MAML3: variants seen among roughly 807,000 people sequenced by gnomAD.
MAML3 encodes mastermind-like protein 3.
MAML3 carries 27 observed loss-of-function variants against 101.9 expected under a neutral mutation model. The observed-to-expected ratio is 0.27, with a 90% CI of 0.20 to 0.37. MAML3 has a LOEUF of 0.37. MAML3 is among the 10% of genes least tolerant of loss of function. The probability of loss-of-function intolerance (pLI) is 1.00; values close to 1 mark genes in which losing one functional copy is unlikely to be tolerated. For synonymous variants in MAML3, 501 were observed against 555.9 expected (o/e 0.90, Z 1.39); for missense variants, 1,316 against 1,444.9 (o/e 0.91, Z 1.45).
chr4:139,914,027 C>A (rs538706878), intron 1 of MAML3, among the ~76,000 whole-genome samples: 12 of 152,142 alleles, frequency 7.9e-5, no homozygotes, highest in African/African-American at 2.7e-4. Context: ...AGAAAGTATC[C>A]AGTAACAAAT....
intron 1 of MAML3, among the ~76,000 whole-genome samples, chr4:139,958,893 A>T (rs1733959754): frequency 6.6e-6 from 1 of 152,176 alleles, no homozygotes; most frequent in South Asian, 2.1e-4. Flanking sequence ...TTGCATTGTT[A>T]TTCTTGCAAT....
At chr4:140,113,494 T>C (rs1560897730) in intron 1 of MAML3, among the ~76,000 whole-genome samples, 1 of 152,132 alleles carries the variant, frequency 6.6e-6, no homozygotes, top group African/African-American at 2.4e-5. Flanking sequence ...TGTAGTAGAC[T>C]ATTTCTTCAA....
At chr4:139,860,047 C>A (rs1279542129) in intron 2 of MAML3, among the ~76,000 whole-genome samples, 1 of 152,182 alleles carries the variant, frequency 6.6e-6, no homozygotes, top group Non-Finnish European at 1.5e-5. Flanking sequence ...CTCAGCGAGA[C>A]GTGCTGCCGT....
At chr4:139,909,894 CAT>C (rs1254137244) in intron 1 of MAML3, among the ~76,000 whole-genome samples, 2 of 142,078 alleles carry the variant, frequency 1.4e-5, no homozygotes, top group African/African-American at 2.6e-5. Flanking sequence ...CAGCCATACA[CAT>C]GAGTCTGCCT....
At chr4:139,990,661 C>T (rs1453022320) in intron 1 of MAML3, among the ~76,000 whole-genome samples, 1 of 151,834 alleles carries the variant, frequency 6.6e-6, no homozygotes, top group Admixed American at 6.6e-5. Flanking sequence ...CCCATCGTCT[C>T]AGCCCAAAAT....
intron 1 of MAML3, among the ~76,000 whole-genome samples, chr4:140,111,890 C>A (rs1027137546): frequency 6.6e-6 from 1 of 152,204 alleles, no homozygotes; most frequent in Non-Finnish European, 1.5e-5. Context: ...TGGCCCCAAC[C>A]CTCACCCTTG....
At chr4:139,876,387 C>A (rs1225072901) in intron 2 of MAML3, among the ~76,000 whole-genome samples, 1 of 152,186 alleles carries the variant, frequency 6.6e-6, no homozygotes, top group Non-Finnish European at 1.5e-5. Flanking sequence ...GAGAGGGATG[C>A]AAGGGGCAAG....
chr4:139,889,218 C>T, intron 2 of MAML3, 139 bp downstream of exon 2: 1 of 1,507,048 alleles, frequency 6.6e-7, no homozygotes, highest in Non-Finnish European at 9.1e-7. Flanking sequence ...CCAAACCTGG[C>T]CACTACCTGA....
At chr4:139,725,958 CAT>C (rs1728457219) in intron 3 of MAML3, 123 bp from the exon 4 acceptor site, 2 of 748,474 alleles carry the variant, frequency 2.7e-6, no homozygotes, top group Admixed American at 2.2e-5. Flanking sequence ...GTTGAAGAAT[CAT>C]ATGCATACAG....
chr4:139,968,178 G>C (rs1256231774), intron 1 of MAML3, among the ~76,000 whole-genome samples: 1 of 151,662 alleles, frequency 6.6e-6, no homozygotes, highest in Non-Finnish European at 1.5e-5. Context: ...AAGTCAGGAG[G>C]CTTTATACAA....
chr4:140,005,640 C>T (rs1429773599), intron 1 of MAML3, among the ~76,000 whole-genome samples: 1 of 152,216 alleles, frequency 6.6e-6, no homozygotes, highest in African/African-American at 2.4e-5. Context: ...GATTTCTACC[C>T]ATCCTCCATC....
chr4:139,970,583 A>G (rs936179785), intron 1 of MAML3, among the ~76,000 whole-genome samples: 5 of 152,164 alleles, frequency 3.3e-5, no homozygotes, highest in Non-Finnish European at 5.9e-5. Flanking sequence ...AGTTTAGGTA[A>G]TAGATGATGA....
chr4:140,103,377 G>A (rs1222112638), intron 1 of MAML3, among the ~76,000 whole-genome samples: 2 of 152,140 alleles, frequency 1.3e-5, no homozygotes, highest in African/African-American at 4.8e-5. Context: ...AACTATATTG[G>A]ATTTTCCTTT....
chr4:140,123,241 A>G (rs1358655708), intron 1 of MAML3, among the ~76,000 whole-genome samples: 2 of 152,194 alleles, frequency 1.3e-5, no homozygotes, highest in African/African-American at 4.8e-5. Context: ...GTTTGTTAAG[A>G]CAGCTTACAA....
intron 1 of MAML3, among the ~76,000 whole-genome samples, chr4:140,112,989 T>C (rs1357718213): frequency 6.6e-6 from 1 of 152,108 alleles, no homozygotes; most frequent in Non-Finnish European, 1.5e-5. Context: ...CCTTTAACAA[T>C]AAAATAACTG....
intron 2 of MAML3, among the ~76,000 whole-genome samples, chr4:139,760,946 CTTTCT>C (rs1729744700): frequency 6.6e-6 from 1 of 152,074 alleles, no homozygotes; most frequent in African/African-American, 2.4e-5. Flanking sequence ...TAGAGGACAG[CTTTCT>C]TTTCTTTTCT....
At chr4:139,732,844 T>TA (rs1728780593) in intron 2 of MAML3, among the ~76,000 whole-genome samples, 2 of 152,230 alleles carry the variant, frequency 1.3e-5, no homozygotes, top group Non-Finnish European at 2.9e-5. Context: ...TTCTATTTTT[T>TA]ATGTGTAAAT....
At chr4:139,765,043 G>C (rs1018117644) in intron 2 of MAML3, among the ~76,000 whole-genome samples, 3 of 152,196 alleles carry the variant, frequency 2.0e-5, no homozygotes, top group Admixed American at 6.5e-5. Context: ...AGTCCCCCAG[G>C]CTGGTCAGTA....
chr4:140,055,884 A>T (rs1439219010), intron 1 of MAML3, among the ~76,000 whole-genome samples: 1 of 152,188 alleles, frequency 6.6e-6, no homozygotes, highest in Non-Finnish European at 1.5e-5. Context: ...TAAGAAATAC[A>T]TTGACTGGCT....
Sources: gnomAD v4.1 joint callset for allele counts (sites outside exome capture counted in the v4.1 genomes callset) on GRCh38, gnomAD v4.1.1 for gene constraint, MANE v1.5 for transcripts, NCBI Gene and HGNC (gene_info 2026-07-23, HGNC 2026-07-21) for gene names.